The following FOXN3 variants were observed in gnomAD, a reference collection of about 807,000 sequenced individuals.
FOXN3 encodes forkhead box N3.
Under a neutral mutation model 38.4 loss-of-function variants are expected in FOXN3, and 7 were observed. That is an observed-to-expected ratio of 0.18 (90% CI 0.10 to 0.34). The LOEUF (loss-of-function observed/expected upper bound fraction) is 0.34. Among genes scored for constraint, FOXN3 ranks in the 10% least tolerant of loss-of-function variants. The pLI is 1.00. For synonymous variants in FOXN3, 230 were observed against 242.2 expected, an observed-to-expected ratio of 0.95 and a Z score of 0.47; for missense variants, 456 against 613.4, an observed-to-expected ratio of 0.74 and a Z score of 2.71.
rs1011724478 is a variant in FOXN3 at position 89,484,134 on chromosome 14, T to G, written c.-14-71644A>C. On this transcript the variant is annotated intron_variant, in intron 1 of 6. Transcript: ENST00000345097. This position sits in a 1 kb window ranked among gnomAD's most constrained non-coding sequence, Gnocchi z 4.0. ...GATGAATGGAAATATCCAACTAGAGTGTGACCAATTCGCTTTCTCACTCCA... is the reference window on the plus strand; with the variant it reads ...GATGAATGGAAATATCCAACTAGAGGGTGACCAATTCGCTTTCTCACTCCA... 2.0e-5 allele frequency among the ~76,000 whole-genome samples: 3 copies of G among 152,166 alleles called. No homozygotes were observed. Among genetic ancestry groups the G allele is most frequent in the Non-Finnish European group, 4.4e-5 (3 of 68,036 alleles).
intron 3 of FOXN3, chr14:89,290,213 T>A: frequency 3.5e-6 from 1 of 281,690 alleles, no homozygotes; most frequent in African/African-American, 2.2e-5. Flanking sequence ...ACTGACCAAC[T>A]TGGATCCATC....
intron 3 of FOXN3, among the ~76,000 whole-genome samples, chr14:89,330,986 G>A (rs529627615): frequency 3.9e-4 from 59 of 152,314 alleles, no homozygotes; most frequent in African/African-American, 1.4e-3. Context: ...GAAATGCTAC[G>A]TTGTTCTGTT....
intron 1 of FOXN3, among the ~76,000 whole-genome samples, chr14:89,610,401 C>G (rs1896364899): frequency 6.6e-6 from 1 of 152,204 alleles, no homozygotes; most frequent in Non-Finnish European, 1.5e-5. Context: ...GCCCCACGTG[C>G]CCCAGTGCGG....
chr14:89,214,972 T>A (rs1596107972), intron 4 of FOXN3, among the ~76,000 whole-genome samples: 1 of 152,138 alleles, frequency 6.6e-6, no homozygotes, highest in African/African-American at 2.4e-5. Context: ...GAATTTACCA[T>A]CAGATGGTTA....
intron 4 of FOXN3, among the ~76,000 whole-genome samples, chr14:89,197,599 T>C (rs1336369792): frequency 3.3e-5 from 5 of 152,066 alleles, no homozygotes; most frequent in Admixed American, 6.5e-5. Flanking sequence ...GAGTGCTGGA[T>C]AGTTAGTGAA....
chr14:89,303,508 A>AT (rs1887283059), intron 3 of FOXN3, among the ~76,000 whole-genome samples: 1 of 114,826 alleles, frequency 8.7e-6, no homozygotes, highest in Non-Finnish European at 2.1e-5. Context: ...AAAAAAAAAA[A>AT]CAAAAAAAAA....
At chr14:89,345,370 A>G (rs75848729) in intron 3 of FOXN3, among the ~76,000 whole-genome samples, 1 of 151,804 alleles carries the variant, frequency 6.6e-6, no homozygotes, top group Non-Finnish European at 1.5e-5. Flanking sequence ...AAAAAAAAAA[A>G]GGAAAGAGAA....
chr14:89,528,376 C>CTTTTTTATTTTTTTTT, intron 1 of FOXN3, among the ~76,000 whole-genome samples: 1 of 53,552 alleles, frequency 1.9e-5, no homozygotes, highest in Non-Finnish European at 3.4e-5. Flanking sequence ...ATGGATGAAT[C>CTTTTTTATTTTTTTTT]TTTTTTTTTT....
At chr14:89,444,982 A>G (rs117061692) in intron 1 of FOXN3, among the ~76,000 whole-genome samples, 3,381 of 152,014 alleles carry the variant, frequency 0.022, 36 homozygotes, top group Middle Eastern at 0.037. Flanking sequence ...AATTAGCTGG[A>G]CATGGTAGCA....
chr14:89,380,222 T>C (rs1890603716), intron 2 of FOXN3, among the ~76,000 whole-genome samples: 1 of 152,060 alleles, frequency 6.6e-6, no homozygotes, highest in Non-Finnish European at 1.5e-5. Flanking sequence ...TAAATGGGAG[T>C]TCCCCTGCAC....
At position 89,566,821 on chromosome 14, in the gene FOXN3, T is replaced by C. The variant is rs1273183947; in HGVS notation, c.-15+52207A>G. On this transcript the variant is annotated intron_variant, in intron 1 of 6. Transcript: ENST00000345097. The stretch of plus-strand genomic sequence containing the variant: ...CCTTCTTCTCCACCTCCTCATCCCC[T>C]ACTCCCTTCCTCCTCCTCCTCCTCC... Among the ~76,000 whole-genome samples the C allele has an allele frequency of 3.3e-5, 5 of 151,218 alleles. No homozygotes were observed. In the South Asian group the frequency reaches 1.0e-3, roughly 32 times the overall value.
intron 4 of FOXN3, among the ~76,000 whole-genome samples, chr14:89,202,118 G>C (rs937801279): frequency 2.6e-5 from 4 of 152,336 alleles, no homozygotes; most frequent in Middle Eastern, 3.4e-3. Flanking sequence ...CACTAACTGC[G>C]TGCCCACCTC....
At position 89,508,204 on chromosome 14, in the gene FOXN3, G is replaced by A. The variant is rs1893988886; in HGVS notation, c.-14-95714C>T. ...GCATCTGGAACCACTGGGTGCATAA[G>A]GGACCTGGCAATAAATGATGGGAAT... On this transcript the variant is annotated intron_variant, in intron 1 of 6. Transcript: ENST00000345097. Among the ~76,000 whole-genome samples the A allele has an allele frequency of 2.0e-5, 3 of 152,160 alleles. No homozygotes were observed. In the South Asian group the frequency reaches 6.2e-4, roughly 32 times the overall value.
chr14:89,553,238 CAAA>C (rs146581490), intron 1 of FOXN3, among the ~76,000 whole-genome samples: 74 of 79,030 alleles, frequency 9.4e-4, no homozygotes, highest in Non-Finnish European at 1.1e-3. Flanking sequence ...GACCCTGTCC[CAAA>C]AAAAAAAAAA....
At chr14:89,537,681 G>A (rs1182802360) in intron 1 of FOXN3, among the ~76,000 whole-genome samples, 1 of 152,212 alleles carries the variant, frequency 6.6e-6, no homozygotes, top group Non-Finnish European at 1.5e-5. Context: ...ATGTGTGAGT[G>A]ACATCTCTGA....
intron 1 of FOXN3, among the ~76,000 whole-genome samples, chr14:89,546,323 C>CTTTTTTTTT (rs1566694411): frequency 8.7e-5 from 4 of 45,952 alleles, no homozygotes; most frequent in African/African-American, 4.2e-4. Flanking sequence ...TTCTTTTTTC[C>CTTTTTTTTT]TTTTTCTTTT....
intron 2 of FOXN3, among the ~76,000 whole-genome samples, chr14:89,385,585 A>G (rs1015614215): frequency 1.3e-5 from 2 of 151,442 alleles, no homozygotes; most frequent in Non-Finnish European, 2.9e-5. Context: ...AGGCAGATGG[A>G]TCACCTGAGG....
intron 3 of FOXN3, among the ~76,000 whole-genome samples, chr14:89,308,379 A>T (rs529673848): frequency 1.1e-4 from 17 of 152,360 alleles, no homozygotes; most frequent in African/African-American, 4.1e-4. Context: ...AATCTTCTGG[A>T]ATTTGTTCGA....
At chr14:89,242,175 CAGAG>C (rs1207823120) in intron 4 of FOXN3, among the ~76,000 whole-genome samples, 9 of 152,184 alleles carry the variant, frequency 5.9e-5, no homozygotes, top group African/African-American at 1.4e-4. Context: ...CAGAAAGTGA[CAGAG>C]AGAAGGTACG....
Sources: gnomAD v4.1 joint callset for allele counts (sites outside exome capture counted in the v4.1 genomes callset) on GRCh38, gnomAD v4.1.1 for gene constraint, Gnocchi (gnomAD v3.1) non-coding constraint, MANE v1.5 for transcripts, NCBI Gene and HGNC (gene_info 2026-07-23, HGNC 2026-07-21) for gene names.